The following SHANK2 variants were observed in gnomAD, a reference collection of about 807,000 sequenced individuals.
SHANK2 encodes the protein SH3 and multiple ankyrin repeat domains 2.
SHANK2 carries 43 observed loss-of-function variants against 133.7 expected under a neutral mutation model. The ratio of observed to expected loss-of-function variants is 0.32; its 90% CI spans 0.25 to 0.41. The LOEUF is 0.41. SHANK2 is among the 10% of genes least tolerant of loss of function. The probability of loss-of-function intolerance (pLI) is 1.00; values close to 1 mark genes in which losing one functional copy is unlikely to be tolerated. For synonymous variants in SHANK2, 1,017 were observed against 952.8 expected (o/e 1.07, Z -1.24); for missense variants, 1,994 against 2,235.8 (o/e 0.89, Z 2.18).
At chr11:71,065,030 G>A (rs1023283384) in intron 9 of SHANK2, among the ~76,000 whole-genome samples, 114 of 152,256 alleles carry the variant, frequency 7.5e-4, no homozygotes, top group Non-Finnish European at 1.4e-3. Flanking sequence ...TAACAGGAGC[G>A]TGCAGTGCAG....
intron 17 of SHANK2, among the ~76,000 whole-genome samples, chr11:70,601,104 C>T (rs995760405): frequency 2.0e-5 from 3 of 151,380 alleles, no homozygotes; most frequent in Non-Finnish European, 4.4e-5. Context: ...CCAGGCTGAG[C>T]GCAGTGGTGT....
rs530666438 is a variant in SHANK2, at chr11:70,923,521, C to CA, written c.1108-26955dup. On this transcript the variant is annotated intron_variant, in intron 10 of 25. Coordinates refer to ENST00000601538, the MANE Select transcript of SHANK2 (RefSeq NM_012309.5). ...CCTCCCAAAGCACTGGGATCACAGG[C>CA]ATGAGCCACTGCGCCCAGCTGCTTG... 1.0e-3 allele frequency among the ~76,000 whole-genome samples: 156 copies of CA among 152,246 alleles called. 2 individuals carry two copies. Among genetic ancestry groups the CA allele is most frequent in the Admixed American group, 5.3e-3 (81 of 15,284 alleles).
chr11:70,566,876 A>G (rs1554981999), intron 17 of SHANK2, among the ~76,000 whole-genome samples: 1 of 152,216 alleles, frequency 6.6e-6, no homozygotes, highest in African/African-American at 2.4e-5. Context: ...GGAGCAGAAA[A>G]GCCTCATGCC....
chr11:70,917,984 G>A (rs1249719006), intron 10 of SHANK2, among the ~76,000 whole-genome samples: 1 of 151,002 alleles, frequency 6.6e-6, no homozygotes, highest in Non-Finnish European at 1.5e-5. Flanking sequence ...TAACAAACCT[G>A]CCCGTTCTGC....
chr11:70,487,945 G>A lies in SHANK2; in HGVS notation c.2573-225C>T, dbSNP rs1479354327. ...CAGAAAGGCACTGGGGATGCTGTGA[G>A]TACGCTGCTGCTGTGGGGCCTCCAG... On this transcript the variant is annotated intron_variant, in intron 24 of 25. Coordinates refer to ENST00000601538, the MANE Select transcript of SHANK2 (RefSeq NM_012309.5). This position sits in a 1 kb window ranked among gnomAD's most constrained non-coding sequence, Gnocchi z 5.8. Among the ~76,000 whole-genome samples the A allele has an allele frequency of 6.6e-6, 1 of 152,250 alleles. No homozygotes were observed. Among genetic ancestry groups the A allele is most frequent in the Non-Finnish European group, 1.5e-5 (1 of 68,044 alleles).
chr11:70,835,445 C>T (rs140394636), intron 11 of SHANK2, among the ~76,000 whole-genome samples: 5,522 of 152,286 alleles, frequency 0.036, 153 homozygotes, highest in East Asian at 0.16. Flanking sequence ...TCAAGAGGCT[C>T]ATGTGCTGAG....
At chr11:70,801,102 G>T (rs11237542) in intron 13 of SHANK2, among the ~76,000 whole-genome samples, 2 of 152,088 alleles carry the variant, frequency 1.3e-5, no homozygotes, top group Non-Finnish European at 2.9e-5. Flanking sequence ...TCGGAGGCAC[G>T]TGAGCCCAGT....
intron 11 of SHANK2, chr11:70,864,088 C>G (rs530504078): frequency 3.1e-6 from 1 of 318,774 alleles, no homozygotes; most frequent in African/African-American, 2.2e-5. Flanking sequence ...CCCTCCAGTT[C>G]GGGGTGCCCA....
intron 2 of SHANK2, among the ~76,000 whole-genome samples, chr11:71,182,129 G>A (rs1342832920): frequency 6.6e-6 from 1 of 151,750 alleles, no homozygotes; most frequent in Non-Finnish European, 1.5e-5. Context: ...CCCCAAGGCA[G>A]CATCTTCTTT....
intron 14 of SHANK2, among the ~76,000 whole-genome samples, chr11:70,703,366 C>T (rs747316762): frequency 6.6e-6 from 1 of 152,170 alleles, no homozygotes; most frequent in Non-Finnish European, 1.5e-5. Context: ...ATGAGCGACC[C>T]GTGTAAATCC....
In SHANK2 at chr11:70,472,724, C is replaced by CAA; in HGVS notation, c.*143_*144dup. On this transcript the variant is annotated 3_prime_UTR_variant, in exon 26 of 26. Transcript: ENST00000601538. The surrounding 1 kb of genome is among the most constrained non-coding windows in gnomAD (Gnocchi z 4.4). Reference sequence around the variant, plus strand: ...TGAAGACCCAGCCATGTTGTGGACACAACTCAGTATTTCTTTGGGTACCAG... The same window carrying CAA: ...TGAAGACCCAGCCATGTTGTGGACACAAAACTCAGTATTTCTTTGGGTACCAG... 2 of 833,102 alleles carry CAA rather than the reference C, an allele frequency of 2.4e-6. No individual in the cohort carries two copies. The highest frequency in any genetic ancestry group is 4.0e-6 in the Non-Finnish European group (2 of 494,508). The allele number at this position is 833,102 out of a possible 1,614,324, so 51.6% of individuals were successfully genotyped here.
At chr11:70,494,266 T>G (rs558391) in intron 21 of SHANK2, among the ~76,000 whole-genome samples, 54,408 of 152,110 alleles carry the variant, frequency 0.36, 11,367 homozygotes, top group East Asian at 0.66. Context: ...TCCAGACCCT[T>G]GGGCCAGTCC....
intron 14 of SHANK2, among the ~76,000 whole-genome samples, chr11:70,723,541 A>G (rs1333770927): frequency 2.0e-5 from 3 of 152,150 alleles, no homozygotes; most frequent in Non-Finnish European, 4.4e-5. Context: ...ATGCAGCCCA[A>G]CTCACAGGCT....
intron 2 of SHANK2, among the ~76,000 whole-genome samples, chr11:71,181,038 A>G (rs1450096219): frequency 6.6e-6 from 1 of 152,008 alleles, no homozygotes; most frequent in Non-Finnish European, 1.5e-5. Context: ...GCATATAAAC[A>G]CAAGGACAAA....
chr11:70,952,722 A>C, intron 10 of SHANK2: 1 of 414,182 alleles, frequency 2.4e-6, no homozygotes. Flanking sequence ...GGGGACGCAG[A>C]TGGCAGGGCG....
intron 14 of SHANK2, among the ~76,000 whole-genome samples, chr11:70,782,955 G>A (rs999793970): frequency 6.6e-6 from 1 of 152,334 alleles, no homozygotes; most frequent in East Asian, 1.9e-4. Context: ...CCCGCAATGT[G>A]ATGGGGACTT....
At chr11:70,627,951 G>C (rs1384015330) in intron 17 of SHANK2, among the ~76,000 whole-genome samples, 1 of 152,118 alleles carries the variant, frequency 6.6e-6, no homozygotes, top group Non-Finnish European at 1.5e-5. Flanking sequence ...GCCTAGCAAG[G>C]AAGAGAGTTG....
intron 10 of SHANK2, among the ~76,000 whole-genome samples, chr11:70,914,920 GAAAA>G (rs1189711847): frequency 1.4e-5 from 2 of 138,964 alleles, no homozygotes; most frequent in Non-Finnish European, 1.6e-5. Context: ...AAGAAAGAAA[GAAAA>G]AAAAAAGGAA....
chr11:70,596,924 C>T (rs373256702), intron 17 of SHANK2, among the ~76,000 whole-genome samples: 64 of 152,244 alleles, frequency 4.2e-4, no homozygotes, highest in African/African-American at 1.5e-3. Flanking sequence ...ACTGAGGTCT[C>T]CTATGGTCTA....
Sources: gnomAD v4.1 joint callset for allele counts (sites outside exome capture counted in the v4.1 genomes callset) on GRCh38, gnomAD v4.1.1 for gene constraint, Gnocchi (gnomAD v3.1) non-coding constraint, MANE v1.5 for transcripts, NCBI Gene and HGNC (gene_info 2026-07-23, HGNC 2026-07-21) for gene names.